Variants in PTPRG observed in about 807,000 individuals in gnomAD.
PTPRG encodes the protein receptor-type tyrosine-protein phosphatase gamma.
In PTPRG, 102 loss-of-function variants were observed where a neutral mutation model predicts 165.3. The ratio of observed to expected loss-of-function variants is 0.62; its 90% confidence interval spans 0.53 to 0.73. PTPRG has a LOEUF of 0.73. PTPRG is among the 30% of genes least tolerant of loss of function. The pLI is 0.00. For synonymous variants in PTPRG, 675 were observed against 669.5 expected (o/e 1.01, Z -0.13); for missense variants, 1,866 against 1,861.4 (o/e 1.00, Z -0.05).
At chr3:61,564,499 C>A (rs1466630329) in intron 1 of PTPRG, among the ~76,000 whole-genome samples, 1 of 152,114 alleles carries the variant, frequency 6.6e-6, no homozygotes, top group Non-Finnish European at 1.5e-5. Flanking sequence ...TTCGCGCCCA[C>A]GCTGCGAGGT....
intron 2 of PTPRG, among the ~76,000 whole-genome samples, chr3:61,945,478 G>C (rs2039734216): frequency 7.2e-6 from 1 of 138,298 alleles, no homozygotes; most frequent in Non-Finnish European, 1.5e-5. Flanking sequence ...AGAATTGCTT[G>C]AACCCGGAAG....
intron 4 of PTPRG, among the ~76,000 whole-genome samples, chr3:62,063,102 G>A (rs1364546933): frequency 6.6e-6 from 1 of 152,246 alleles, no homozygotes; most frequent in East Asian, 1.9e-4. Context: ...TTTGGAAATG[G>A]GGACCCAGAA....
chr3:62,022,392 A>T (rs959999721), intron 4 of PTPRG, among the ~76,000 whole-genome samples: 2 of 152,186 alleles, frequency 1.3e-5, no homozygotes, highest in Non-Finnish European at 2.9e-5. Flanking sequence ...CAATACCAGT[A>T]TCTATGGGCA....
At position 62,203,842 on chromosome 3, in the gene PTPRG, G is replaced by C; in HGVS notation, c.2047G>C (p.Glu683Gln). Residue 683 changes from glutamate to glutamine, a missense_variant, in exon 12 of 30, where the codon GAG (glutamate) becomes CAG (glutamine). Physicochemically the swap from Glu to Gln is conservative, Grantham distance 29. Transcript: ENST00000474889. This position sits in a 1 kb window ranked among gnomAD's most constrained non-coding sequence, Gnocchi z 6.4. ...STQVPPTATE[E>Q]QYAGSDPKRP... The stretch of plus-strand genomic sequence containing the variant: ...CCAAGTGCCCCCCACCGCCACAGAG[G>C]AGCAGTATGCAGGGAGTGATCCCAA... 4 of 1,614,148 alleles carry C rather than the reference G, an allele frequency of 2.5e-6. No individual in the cohort carries two copies. The highest frequency in any genetic ancestry group is 1.7e-5 in the Admixed American group (1 of 60,028).
chr3:61,589,110 T>C (rs569120298), intron 1 of PTPRG, among the ~76,000 whole-genome samples: 1 of 151,262 alleles, frequency 6.6e-6, no homozygotes, highest in East Asian at 1.9e-4. Flanking sequence ...AAAAATAATA[T>C]TATTTTGAGA....
chr3:62,282,533 T>A (rs1352684187), intron 27 of PTPRG, among the ~76,000 whole-genome samples, 194 bp from the exon 28 acceptor site: 1 of 150,112 alleles, frequency 6.7e-6, no homozygotes, highest in Non-Finnish European at 1.5e-5. Context: ...CTAGCCATGC[T>A]TTTTTTAAAA....
intron 1 of PTPRG, among the ~76,000 whole-genome samples, chr3:61,724,853 A>C (rs552433099): frequency 6.6e-6 from 1 of 151,954 alleles, no homozygotes; most frequent in South Asian, 2.1e-4. Context: ...TTCTACACAC[A>C]CTCTAGATAG....
At chr3:62,174,800 A>G (rs1559603978) in intron 8 of PTPRG, among the ~76,000 whole-genome samples, 1 of 152,238 alleles carries the variant, frequency 6.6e-6, no homozygotes. Flanking sequence ...ATGAACACTT[A>G]ATGCCTTTGC....
intron 3 of PTPRG, among the ~76,000 whole-genome samples, chr3:61,997,675 C>T (rs1483950697): frequency 6.6e-6 from 1 of 152,214 alleles, no homozygotes; most frequent in Non-Finnish European, 1.5e-5. Context: ...CTGTCCTTCC[C>T]ATCGGCTGTA....
intron 2 of PTPRG, among the ~76,000 whole-genome samples, chr3:61,938,592 A>AT (rs1288137318): frequency 1.3e-5 from 2 of 152,070 alleles, no homozygotes; most frequent in Non-Finnish European, 2.9e-5. Context: ...TATGTTAGTT[A>AT]TTTTTCCTAA....
In PTPRG at chr3:62,282,763, C is replaced by A; in HGVS notation, c.3949C>A (p.Pro1317Thr). Residue 1317 changes from proline to threonine, a missense_variant, in exon 28 of 30, where the codon CCC (proline) becomes ACC (threonine). Transcript: ENST00000474889. Reference protein sequence around the residue: ...YVLEVRHFQCPKWPNPDAPIS... With the variant: ...YVLEVRHFQCTKWPNPDAPIS... ...CTTAGAAGTTCGGCACTTTCAGTGT[C>A]CCAAATGGCCTAACCCAGATGCCCC... 6.2e-7 allele frequency: 1 copy of A among 1,612,458 alleles called. No homozygotes were observed. Among genetic ancestry groups the A allele is most frequent in the Non-Finnish European group, 8.5e-7 (1 of 1,179,214 alleles).
chr3:62,182,272 C>T (rs1350888690), intron 8 of PTPRG, among the ~76,000 whole-genome samples: 1 of 152,136 alleles, frequency 6.6e-6, no homozygotes, highest in Non-Finnish European at 1.5e-5. Context: ...TCAAGGGTCA[C>T]CTGTATTGGT....
chr3:61,709,346 G>A (rs984294885), intron 1 of PTPRG, among the ~76,000 whole-genome samples: 8 of 151,716 alleles, frequency 5.3e-5, no homozygotes, highest in Non-Finnish European at 8.8e-5. Flanking sequence ...ATGGGGTCTC[G>A]CTCTGTCACC....
intron 1 of PTPRG, among the ~76,000 whole-genome samples, chr3:61,712,498 C>G (rs1044405709): frequency 6.6e-6 from 1 of 151,982 alleles, no homozygotes; most frequent in Non-Finnish European, 1.5e-5. Flanking sequence ...GATTGGATCA[C>G]GGGGGAGGTT....
chr3:62,048,069 A>G (rs1200353541), intron 4 of PTPRG, among the ~76,000 whole-genome samples: 9 of 152,320 alleles, frequency 5.9e-5, no homozygotes, highest in Non-Finnish European at 1.0e-4. Flanking sequence ...AAGTCAGACA[A>G]TTACCTCTGC....
At chr3:61,920,120 G>A (rs2039041551) in intron 2 of PTPRG, among the ~76,000 whole-genome samples, 1 of 152,180 alleles carries the variant, frequency 6.6e-6, no homozygotes, top group African/African-American at 2.4e-5. Context: ...GATCCCACAT[G>A]CCTGCACTCG....
chr3:62,184,446 C>T (rs1461411408), intron 8 of PTPRG, among the ~76,000 whole-genome samples: 1 of 152,138 alleles, frequency 6.6e-6, no homozygotes, highest in South Asian at 2.1e-4. Context: ...TTCATATAGC[C>T]CTTCAAAAAG....
intron 1 of PTPRG, among the ~76,000 whole-genome samples, chr3:61,650,386 G>A (rs1315297341): frequency 6.6e-6 from 1 of 152,150 alleles, no homozygotes; most frequent in Non-Finnish European, 1.5e-5. Flanking sequence ...ACTCATGTTC[G>A]AAGAACACAG....
At chr3:62,194,042 G>A (rs903805118) in intron 9 of PTPRG, among the ~76,000 whole-genome samples, 1 of 152,188 alleles carries the variant, frequency 6.6e-6, no homozygotes, top group African/African-American at 2.4e-5. Context: ...TGTTTGACAA[G>A]AGGTTGGCAA....
Sources: gnomAD v4.1 joint callset for allele counts (sites outside exome capture counted in the v4.1 genomes callset) on GRCh38, gnomAD v4.1.1 for gene constraint, Gnocchi (gnomAD v3.1) non-coding constraint, MANE v1.5 for transcripts, NCBI Gene and HGNC (gene_info 2026-07-23, HGNC 2026-07-21) for gene names.